PLXNB2: variants seen among roughly 807,000 people sequenced by gnomAD.
PLXNB2 encodes plexin B2.
A neutral mutation model predicts 202.6 loss-of-function variants in PLXNB2; 85 were observed. The ratio of observed to expected loss-of-function variants is 0.42; its 90% CI spans 0.35 to 0.50. PLXNB2 has a LOEUF of 0.50. Among genes scored for constraint, PLXNB2 ranks in the 20% least tolerant of loss-of-function variants. The probability of loss-of-function intolerance (pLI) is 0.02; values close to 1 mark genes in which losing one functional copy is unlikely to be tolerated. For synonymous variants in PLXNB2, 1,239 were observed against 1,137.6 expected, an observed-to-expected ratio of 1.09 and a Z score of -1.79; for missense variants, 2,063 against 2,586.2, an observed-to-expected ratio of 0.80 and a Z score of 4.39.
intron 27 of PLXNB2, 127 bp from the exon 28 acceptor site, chr22:50,279,138 G>T: frequency 1.0e-6 from 1 of 973,056 alleles, no homozygotes; most frequent in Non-Finnish European, 1.5e-6. Flanking sequence ...GCCCCCGCCA[G>T]CCCGGCTCCG....
At chr22:50,300,616 C>T (rs947198517) in intron 1 of PLXNB2, among the ~76,000 whole-genome samples, 2 of 152,238 alleles carry the variant, frequency 1.3e-5, no homozygotes, top group East Asian at 3.8e-4. Context: ...TCAGCGTCTA[C>T]AGCGGTCCCC....
At position 50,287,632 on chromosome 22, in the gene PLXNB2, G is replaced by A. The variant is rs534484242; in HGVS notation, c.1608+35C>T. Reference sequence around the variant, plus strand: ...GGGAGCCCCCACCTGGCCCGGCCTGGGGCCCAGGACCCCCACCCCAGACCC... The same window carrying A: ...GGGAGCCCCCACCTGGCCCGGCCTGAGGCCCAGGACCCCCACCCCAGACCC... On this transcript the variant is annotated intron_variant, in intron 7 of 36. Transcript: ENST00000359337. The A allele has an allele frequency of 2.6e-5, 40 of 1,522,088 alleles. No homozygotes were observed. In the South Asian group the frequency reaches 4.3e-4, roughly 16 times the overall value. 94.3% of individuals were successfully genotyped at this position (1,522,088 alleles called of 1,614,324 possible). A position where few individuals can be genotyped will look rare whatever the true frequency, so the allele number is the denominator to read the frequency against.
rs535803647 is a variant in PLXNB2 at position 50,275,092 on chromosome 22, CCTGT to C, written c.*608_*611del. The C allele has an allele frequency of 2.1e-3, 472 of 228,562 alleles. 3 individuals are homozygous for C. The highest frequency in any genetic ancestry group is 9.9e-3 in the African/African-American group (424 of 42,844). The allele number at this position is 228,562 out of a possible 1,614,324, so 14.2% of individuals were successfully genotyped here. On this transcript the variant is annotated 3_prime_UTR_variant, in exon 37 of 37. Transcript: ENST00000359337. ...CGGACTGGGTGGGGCTCTAGGGCAG[CCTGT>C]CTGACAGACCAGGACCCCAGGATGT...
chr22:50,301,950 C>G (rs1253981902), intron 1 of PLXNB2, among the ~76,000 whole-genome samples: 1 of 152,378 alleles, frequency 6.6e-6, no homozygotes, highest in East Asian at 1.9e-4. Flanking sequence ...GCCGGAAAAG[C>G]CCTGCCAACA....
In PLXNB2 at chr22:50,297,140, G is replaced by A. The variant is rs1465665572; in HGVS notation, c.-73-2362C>T. 1.3e-5 allele frequency among the ~76,000 whole-genome samples: 2 copies of A among 152,194 alleles called. No homozygotes were observed. Among genetic ancestry groups the A allele is most frequent in the African/African-American group, 4.8e-5 (2 of 41,442 alleles). On this transcript the variant is annotated intron_variant, in intron 1 of 36. Transcript: ENST00000359337. The surrounding 1 kb of genome is among the most constrained non-coding windows in gnomAD (Gnocchi z 5.3). ...GGACCCGCGGGGACTGGAGACTGCA[G>A]CTCCCGACGGAGGTGGCAGCCATGG... is the stretch of plus-strand genomic sequence containing the variant.
intron 2 of PLXNB2, among the ~76,000 whole-genome samples, chr22:50,290,951 C>T (rs1211372614): frequency 6.6e-6 from 1 of 152,172 alleles, no homozygotes; most frequent in Non-Finnish European, 1.5e-5. Flanking sequence ...CATTCATGCC[C>T]CCTGACCTGT....
At position 50,276,970 on chromosome 22, in the gene PLXNB2, C is replaced by T. The variant is rs537321373; in HGVS notation, c.5197-64G>A. 1.6e-5 allele frequency: 20 copies of T among 1,213,068 alleles called. No homozygotes were observed. In the South Asian group the frequency reaches 1.9e-4, roughly 12 times the overall value. 75.1% of individuals were successfully genotyped at this position (1,213,068 alleles called of 1,614,324 possible). On this transcript the variant is annotated intron_variant, in intron 33 of 36. Transcript: ENST00000359337. ...GCCAGGCTGGGGCTGCTCAGAGTAC[C>T]CCTGGGTAGCTTCCCCTGCCCCGAA...
chr22:50,288,839 C>CTA lies in PLXNB2; in HGVS notation c.1283_1284insTA (p.Glu428AspfsTer10). On this transcript the variant is annotated frameshift_variant, in exon 5 of 37. Transcript: ENST00000359337. LOFTEE classifies it high-confidence loss of function. This position sits in a 1 kb window ranked among gnomAD's most constrained non-coding sequence, Gnocchi z 5.0. ...TTATCTCCACAAGGATAGAGTCGTA[C>CTA]TCTGAGGAGGTGCCATCTGGGGTGA... The CTA allele has an allele frequency of 6.2e-7, 1 of 1,613,418 alleles. No individual in the cohort carries two copies. The highest frequency in any genetic ancestry group is 8.5e-7 in the Non-Finnish European group (1 of 1,179,962).
Position 50,277,902 on chromosome 22 carries a change from T to G in PLXNB2, c.4999A>C (p.Lys1667Gln). The part of the protein sequence containing the change: ...FFDFLDEQAE[K>Q]HNIQDEDTIH... ...GTGTCTTCATCCTGGATGTTGTGCT[T>G]CTCTGCCTGCTCGTCCAGGAAGTCG... The change falls in exon 32 of 37, where the codon AAG becomes CAG. Residue 1667 changes from lysine to glutamine, a missense_variant. This residue lies in a region of PLXNB2 where 760 missense variants were observed against 1,109.4 expected (regional missense o/e 0.69). Coordinates refer to ENST00000359337, the MANE Select transcript of PLXNB2 (RefSeq NM_012401.4). The G allele has an allele frequency of 1.2e-6, 2 of 1,613,156 alleles. No homozygotes were observed. Among genetic ancestry groups the G allele is most frequent in the Non-Finnish European group, 8.5e-7 (1 of 1,179,954 alleles).
Position 50,282,169 on chromosome 22 carries a change from C to A in PLXNB2, c.3117+15G>T, listed in dbSNP as rs763648382. 1.9e-6 allele frequency: 3 copies of A among 1,604,528 alleles called. No homozygotes were observed. Among genetic ancestry groups the A allele is most frequent in the South Asian group, 2.2e-5 (2 of 90,484 alleles). ...CATGGGCCGGTGCCAGAGCTGAGCC[C>A]ACGCCAGGACTGACCGTCATGGGCT... On this transcript the variant is annotated intron_variant, in intron 19 of 36. Coordinates refer to ENST00000359337, the MANE Select transcript of PLXNB2 (RefSeq NM_012401.4).
In PLXNB2 at chr22:50,295,549, C is replaced by G. The variant is rs560607279; in HGVS notation, c.-73-771G>C. ...CATTCAGCAATGCTTGCTATTGTAT[C>G]TTCCCTTGCTATTGTATCTTCTAGT... On this transcript the variant is annotated intron_variant, in intron 1 of 36. Coordinates refer to ENST00000359337, the MANE Select transcript of PLXNB2 (RefSeq NM_012401.4). Among the ~76,000 whole-genome samples the G allele has an allele frequency of 5.0e-4, 76 of 152,300 alleles. 2 individuals carry two copies. In the South Asian group the frequency reaches 0.016, roughly 31 times the overall value.
In PLXNB2 at chr22:50,285,980, G is replaced by A. The variant is rs375332221; in HGVS notation, c.1986+10C>T. ...CCTGAACAGTCCCCTGAGGCCCCGA[G>A]GCCCCTCACCATGTGGGCACGGACG... is the stretch of plus-strand genomic sequence containing the variant. On this transcript the variant is annotated intron_variant, in intron 10 of 36. Coordinates refer to ENST00000359337, the MANE Select transcript of PLXNB2 (RefSeq NM_012401.4). 1.2e-6 allele frequency: 2 copies of A among 1,611,106 alleles called. No homozygotes were observed. The highest frequency in any genetic ancestry group is 1.7e-5 in the Admixed American group (1 of 59,986).
At chr22:50,300,139 G>T (rs2067588005) in intron 1 of PLXNB2, 1 of 440,344 alleles carries the variant, frequency 2.3e-6, no homozygotes, top group Non-Finnish European at 3.0e-6. Flanking sequence ...GAGGGAGCAC[G>T]TGGCCGCCTC....
intron 7 of PLXNB2, among the ~76,000 whole-genome samples, 171 bp from the exon 8 acceptor site, chr22:50,287,435 A>T (rs2066539127): frequency 6.6e-6 from 1 of 152,102 alleles, no homozygotes; most frequent in Admixed American, 6.5e-5. Context: ...AACTCCTGGG[A>T]CAGGGCCTGA....
chr22:50,286,732 AGGCCCTGCAGCCTCTGGGAAC>A (rs1222728197), intron 8 of PLXNB2, among the ~76,000 whole-genome samples: 2 of 152,250 alleles, frequency 1.3e-5, no homozygotes, highest in East Asian at 3.9e-4. Flanking sequence ...CCCACATGCG[AGGCCCTGCAGCCTCTGGGAAC>A]GGCCCTGCTC....
intron 15 of PLXNB2, 64 bp from the exon 16 acceptor site, chr22:50,283,509 A>AC (rs1311353156): frequency 1.5e-6 from 2 of 1,359,466 alleles, no homozygotes; most frequent in Non-Finnish European, 1.9e-6. Context: ...TGACACCCTC[A>AC]CCCCCTCAGC....
rs2066269430 is a variant in PLXNB2, at chr22:50,284,457, G to A, written c.2181+116C>T. On this transcript the variant is annotated intron_variant, in intron 12 of 36. Coordinates refer to ENST00000359337, the MANE Select transcript of PLXNB2 (RefSeq NM_012401.4). The surrounding 1 kb of genome is among the most constrained non-coding windows in gnomAD (Gnocchi z 8.0). ...CAGGGCATGGCGAGCCCCTGGCTGG[G>A]CTCTGGTCCCTGGGGTCTCCCTGCT... is the stretch of plus-strand genomic sequence containing the variant. 2.4e-6 allele frequency: 2 copies of A among 832,440 alleles called. No homozygotes were observed. The highest frequency in any genetic ancestry group is 1.7e-5 in the African/African-American group (1 of 59,486). 51.6% of individuals were successfully genotyped at this position (832,440 alleles called of 1,614,324 possible). A position where few individuals can be genotyped will look rare whatever the true frequency, so the allele number is the denominator to read the frequency against.
intron 29 of PLXNB2, 21 bp downstream of exon 29, chr22:50,278,575 C>T (rs371827270): frequency 1.6e-4 from 252 of 1,606,788 alleles, no homozygotes; most frequent in Non-Finnish European, 2.1e-4. Flanking sequence ...AGTTCTCGCC[C>T]GCCCCGGCCT....
chr22:50,305,609 T>C (rs1052144704), intron 1 of PLXNB2, among the ~76,000 whole-genome samples: 15 of 152,260 alleles, frequency 9.9e-5, no homozygotes, highest in African/African-American at 3.1e-4. Context: ...AGGAGCTGAA[T>C]AGGGAGTCCG....
Sources: allele counts gnomAD v4.1 joint callset (sites outside exome capture counted in the v4.1 genomes callset), GRCh38; gene constraint gnomAD v4.1.1; regional missense constraint gnomAD v4.1.1; non-coding constraint Gnocchi (gnomAD v3.1); transcripts MANE v1.5; gene names NCBI Gene and HGNC (gene_info 2026-07-23, HGNC 2026-07-21).